CDK17: variants seen among roughly 807,000 people sequenced by gnomAD.
CDK17 encodes cyclin-dependent kinase 17.
CDK17 carries 24 observed loss-of-function variants against 77.6 expected under a neutral mutation model. The ratio of observed to expected loss-of-function variants is 0.31; its 90% confidence interval spans 0.22 to 0.44. CDK17 has a LOEUF of 0.44. Ranked by LOEUF, CDK17 falls within the 20% of genes least tolerant of loss-of-function variation. The pLI, the probability that CDK17 is intolerant of heterozygous loss-of-function variation, is 1.00. For missense variants in CDK17, 429 were observed against 622.5 expected (o/e 0.69, Z 3.31); for synonymous variants, 203 against 210.4 (o/e 0.96, Z 0.30).
intron 1 of CDK17, among the ~76,000 whole-genome samples, chr12:96,367,557 A>G (rs957048857): frequency 2.0e-5 from 3 of 152,076 alleles, no homozygotes; most frequent in African/African-American, 7.2e-5. Context: ...TGAATGGGAG[A>G]AAAGAGTACA....
rs187831983 is a variant in CDK17 at position 96,358,062 on chromosome 12, A to G, written c.-29-23197T>C. 1.1e-4 allele frequency among the ~76,000 whole-genome samples: 16 copies of G among 152,330 alleles called. No individual in the cohort carries two copies. The East Asian group carries it at 2.9e-3, about 27-fold the overall frequency. The stretch of plus-strand genomic sequence containing the variant: ...AGTAATGTGATCTTTAACAAAAAGA[A>G]GTCCCAGAAGACTACATTTAGTATT... On this transcript the variant is annotated intron_variant, in intron 1 of 16. Coordinates refer to ENST00000261211, the MANE Select transcript of CDK17 (RefSeq NM_002595.5).
intron 1 of CDK17, among the ~76,000 whole-genome samples, chr12:96,339,898 G>A (rs1013895794): frequency 6.6e-6 from 1 of 151,976 alleles, no homozygotes; most frequent in South Asian, 2.1e-4. Flanking sequence ...CTGCACTCCA[G>A]CCTGGGTGAC....
At chr12:96,385,984 G>C (rs1169988765) in intron 1 of CDK17, among the ~76,000 whole-genome samples, 2 of 152,150 alleles carry the variant, frequency 1.3e-5, no homozygotes, top group East Asian at 3.8e-4. Context: ...AAAAAAGGGA[G>C]GGAAAAATAA....
chr12:96,290,873 A>G (rs1952315531), intron 10 of CDK17, among the ~76,000 whole-genome samples: 1 of 152,208 alleles, frequency 6.6e-6, no homozygotes, highest in African/African-American at 2.4e-5. Flanking sequence ...TTAGAATTTC[A>G]ATACTGGTTG....
rs1954243379 is a variant in CDK17 at position 96,400,333 on chromosome 12, C to A, written c.-377G>T. On this transcript the variant is annotated 5_prime_UTR_variant, in exon 1 of 17. Coordinates refer to ENST00000261211, the MANE Select transcript of CDK17 (RefSeq NM_002595.5). Reference sequence around the variant, plus strand: ...CTGAGACTGTCTGGCCGGGCGCTGGCTCCTTCTCCGCGGCTCTGCGGCGGC... The same window carrying A: ...CTGAGACTGTCTGGCCGGGCGCTGGATCCTTCTCCGCGGCTCTGCGGCGGC... 1 of 388,232 alleles carries A rather than the reference C, an allele frequency of 2.6e-6. No homozygotes were observed. The highest frequency in any genetic ancestry group is 4.5e-5 in the Admixed American group (1 of 22,332). The allele number at this position is 388,232 out of a possible 1,614,324, so 24.0% of individuals were successfully genotyped here. A position where few individuals can be genotyped will look rare whatever the true frequency, so the allele number is the denominator to read the frequency against.
chr12:96,330,023 T>C (rs1952945648), intron 2 of CDK17, among the ~76,000 whole-genome samples: 1 of 152,226 alleles, frequency 6.6e-6, no homozygotes, highest in Admixed American at 6.5e-5. Flanking sequence ...ACATGTACAT[T>C]AGCTGAAGAA....
At chr12:96,328,932 T>G (rs1952930295) in intron 2 of CDK17, among the ~76,000 whole-genome samples, 1 of 152,186 alleles carries the variant, frequency 6.6e-6, no homozygotes, top group African/African-American at 2.4e-5. Context: ...ATTCTAACAC[T>G]TCCAGAACTT....
intron 9 of CDK17, among the ~76,000 whole-genome samples, chr12:96,295,997 G>A (rs1305536750): frequency 1.3e-5 from 2 of 152,144 alleles, no homozygotes; most frequent in African/African-American, 2.4e-5. Flanking sequence ...CAAGGCAGCA[G>A]GTCAACGGTA....
At chr12:96,383,187 A>C (rs1953914524) in intron 1 of CDK17, among the ~76,000 whole-genome samples, 1 of 152,164 alleles carries the variant, frequency 6.6e-6, no homozygotes, top group Admixed American at 6.5e-5. Context: ...TGAAGTGCCT[A>C]GTATTACATC....
At chr12:96,366,990 C>T (rs1003423242) in intron 1 of CDK17, among the ~76,000 whole-genome samples, 3 of 152,036 alleles carry the variant, frequency 2.0e-5, no homozygotes, top group Admixed American at 6.6e-5. Context: ...CACTGTAACT[C>T]AGTATGTCCT....
At chr12:96,354,622 G>A (rs900172829) in intron 1 of CDK17, among the ~76,000 whole-genome samples, 2 of 152,142 alleles carry the variant, frequency 1.3e-5, no homozygotes, top group Non-Finnish European at 2.9e-5. Flanking sequence ...GCTCACATCT[G>A]TAATCCCAGT....
intron 4 of CDK17, among the ~76,000 whole-genome samples, chr12:96,311,984 TGTG>T (rs1181462361): frequency 3.3e-5 from 5 of 152,124 alleles, no homozygotes; most frequent in African/African-American, 1.2e-4. Context: ...AAAGAGTATA[TGTG>T]TATATGGGGG....
intron 16 of CDK17, chr12:96,280,542 G>GC: frequency 7.1e-7 from 1 of 1,413,666 alleles, no homozygotes; most frequent in Non-Finnish European, 9.2e-7. Flanking sequence ...CAGTGATCAA[G>GC]CCAGGTCACT....
At chr12:96,285,092 T>TTTG (rs1351656324) in intron 13 of CDK17, among the ~76,000 whole-genome samples, 4 of 152,140 alleles carry the variant, frequency 2.6e-5, no homozygotes, top group Non-Finnish European at 5.9e-5. Flanking sequence ...GAGACTCTGC[T>TTTG]TCAAAGAAAA....
At chr12:96,394,427 T>C (rs1192818984) in intron 1 of CDK17, among the ~76,000 whole-genome samples, 1 of 152,196 alleles carries the variant, frequency 6.6e-6, no homozygotes, top group African/African-American at 2.4e-5. Context: ...TTGGGTCCTT[T>C]TCCCTTGTTT....
At chr12:96,282,433 T>A (rs1459529803) in intron 15 of CDK17, 76 bp downstream of exon 15, 1 of 890,518 alleles carries the variant, frequency 1.1e-6, no homozygotes, top group Non-Finnish European at 1.8e-6. Flanking sequence ...TCAATAGCCA[T>A]CTCCCCAATC....
At chr12:96,362,767 C>T (rs1953515454) in intron 1 of CDK17, among the ~76,000 whole-genome samples, 1 of 152,106 alleles carries the variant, frequency 6.6e-6, no homozygotes, top group African/African-American at 2.4e-5. Context: ...GGAAAGCAAG[C>T]AGTCCAAATG....
rs143007583 is a variant in CDK17, at chr12:96,374,450, G to A, written c.-30+25536C>T. Among the ~76,000 whole-genome samples the A allele has an allele frequency of 1.9e-3, 287 of 152,276 alleles. 8 individuals carry two copies. The highest frequency in any genetic ancestry group is 0.017 in the Admixed American group (262 of 15,290). ...AGCTCCATCTCCAGAGATACACAGT[G>A]AGTGCTTCATTGCCTCAAAGAAATT... On this transcript the variant is annotated intron_variant, in intron 1 of 16. Transcript: ENST00000261211.
intron 10 of CDK17, among the ~76,000 whole-genome samples, chr12:96,293,933 T>C (rs1952362661): frequency 6.6e-6 from 1 of 152,242 alleles, no homozygotes; most frequent in Non-Finnish European, 1.5e-5. Context: ...CAAGAAATAC[T>C]GACAGTTCTT....
Sources: gnomAD v4.1 joint callset for allele counts (sites outside exome capture counted in the v4.1 genomes callset) on GRCh38, gnomAD v4.1.1 for gene constraint, MANE v1.5 for transcripts, NCBI Gene and HGNC (gene_info 2026-07-23, HGNC 2026-07-21) for gene names.